Variants in SHISA9 observed in about 807,000 individuals in gnomAD.
SHISA9 encodes the protein protein shisa-9.
SHISA9 carries 13 observed loss-of-function variants against 38.0 expected under a neutral mutation model. The ratio of observed to expected loss-of-function variants is 0.34; its 90% CI spans 0.22 to 0.54. SHISA9 has a LOEUF of 0.54. SHISA9 is among the 20% of genes least tolerant of loss of function. SHISA9 has a pLI of 0.91. For missense variants in SHISA9, 538 were observed against 575.8 expected (o/e 0.93, Z 0.67); for synonymous variants, 275 against 242.0 (o/e 1.14, Z -1.27).
chr16:13,008,019 C>G (rs2072620563), intron 2 of SHISA9, among the ~76,000 whole-genome samples: 1 of 152,186 alleles, frequency 6.6e-6, no homozygotes, highest in Non-Finnish European at 1.5e-5. Context: ...CTCTGTGACT[C>G]TCTTCCTGAC....
intron 2 of SHISA9, among the ~76,000 whole-genome samples, chr16:13,020,735 T>C (rs1008362339): frequency 6.6e-6 from 1 of 152,210 alleles, no homozygotes; most frequent in Non-Finnish European, 1.5e-5. Flanking sequence ...CCCTTCTCTT[T>C]TGCATATTAG....
chr16:12,939,203 C>G (rs1432281234), intron 2 of SHISA9, among the ~76,000 whole-genome samples: 1 of 152,086 alleles, frequency 6.6e-6, no homozygotes, highest in African/African-American at 2.4e-5. Context: ...CCTGCCTTAG[C>G]CTCCTGAGTA....
At chr16:13,455,160 C>CCTTA in the SHISA9 span, among the ~76,000 whole-genome samples, 1 of 152,004 alleles carries the variant, frequency 6.6e-6, no homozygotes, top group Admixed American at 6.6e-5. Context: ...TATATACATA[C>CCTTA]CTTAGTATTT....
chr16:13,000,734 G>A (rs1192495901), intron 2 of SHISA9, among the ~76,000 whole-genome samples: 1 of 152,196 alleles, frequency 6.6e-6, no homozygotes. Flanking sequence ...TGCATGGTAA[G>A]CATTCAAGAA....
At chr16:13,516,775 G>A in the SHISA9 span, among the ~76,000 whole-genome samples, 2 of 140,222 alleles carry the variant, frequency 1.4e-5, no homozygotes, top group African/African-American at 2.7e-5. Context: ...TCTAGCCTGG[G>A]AAACAGAGCA....
chr16:13,551,123 C>CG, the SHISA9 span, among the ~76,000 whole-genome samples: 1 of 130,850 alleles, frequency 7.6e-6, no homozygotes, highest in Non-Finnish European at 1.6e-5. Context: ...GACTCCATCT[C>CG]GAAAAAAAAA....
At chr16:13,442,712 A>T in the SHISA9 span, among the ~76,000 whole-genome samples, 1 of 152,156 alleles carries the variant, frequency 6.6e-6, no homozygotes, top group Non-Finnish European at 1.5e-5. Flanking sequence ...TCAGCATTTC[A>T]AGAGGCTGAG....
chr16:12,937,444 C>T (rs2071549246), intron 2 of SHISA9, among the ~76,000 whole-genome samples: 1 of 152,176 alleles, frequency 6.6e-6, no homozygotes, highest in Admixed American at 6.6e-5. Context: ...ACTTCTGCAC[C>T]TTGCTGATTT....
chr16:13,499,017 G>A, the SHISA9 span, among the ~76,000 whole-genome samples: 3 of 152,286 alleles, frequency 2.0e-5, no homozygotes, highest in East Asian at 5.8e-4. Context: ...TGAGAGGTCT[G>A]CCCCTGAGCA....
At chr16:13,439,350 A>T in the SHISA9 span, among the ~76,000 whole-genome samples, 2 of 152,196 alleles carry the variant, frequency 1.3e-5, no homozygotes, top group African/African-American at 4.8e-5. Context: ...GGAAGAGTAG[A>T]TCTTAAGTAT....
the SHISA9 span, among the ~76,000 whole-genome samples, chr16:13,272,250 G>A: frequency 2.6e-5 from 4 of 152,172 alleles, no homozygotes; most frequent in East Asian, 5.8e-4. Context: ...AAAGTAGGAA[G>A]AAACAATAGT....
chr16:13,071,224 G>T (rs1477842450), intron 2 of SHISA9, among the ~76,000 whole-genome samples: 1 of 152,148 alleles, frequency 6.6e-6, no homozygotes, highest in Non-Finnish European at 1.5e-5. Flanking sequence ...GAGTGACAGG[G>T]TCATACGTAC....
the SHISA9 span, among the ~76,000 whole-genome samples, chr16:13,507,434 C>T: frequency 1.3e-5 from 2 of 152,090 alleles, no homozygotes; most frequent in African/African-American, 2.4e-5. Flanking sequence ...TGGTAGAGTA[C>T]CCTGGAGCAG....
intron 2 of SHISA9, among the ~76,000 whole-genome samples, chr16:13,000,415 C>A (rs556571220): frequency 3.5e-4 from 53 of 152,104 alleles, no homozygotes; most frequent in African/African-American, 1.2e-3. Context: ...ACTGATCCTG[C>A]GCACAGCTCT....
chr16:13,107,523 C>G (rs1328965895), intron 2 of SHISA9, among the ~76,000 whole-genome samples: 9 of 146,046 alleles, frequency 6.2e-5, no homozygotes, highest in African/African-American at 2.0e-4. Flanking sequence ...ACAGAGTTAA[C>G]TTAACTTTAG....
intron 2 of SHISA9, among the ~76,000 whole-genome samples, chr16:13,029,925 A>G (rs2072970934): frequency 6.6e-6 from 1 of 152,154 alleles, no homozygotes; most frequent in Non-Finnish European, 1.5e-5. Context: ...TCCTGACCCT[A>G]GGCAATTTAT....
At position 13,132,692 on chromosome 16, in the gene SHISA9, A is replaced by G. The variant is rs1280171403; in HGVS notation, c.692-70702A>G. ...GTGATTGTTTGGCTACTTCTGACAC[A>G]TGCTTTCCTGATGAAGGGAAAAATT... On this transcript the variant is annotated intron_variant, in intron 2 of 4. Transcript: ENST00000558583. 4.6e-5 allele frequency among the ~76,000 whole-genome samples: 7 copies of G among 152,328 alleles called. No individual in the cohort carries two copies. The East Asian group carries it at 1.2e-3, about 25-fold the overall frequency.
the SHISA9 span, among the ~76,000 whole-genome samples, chr16:13,290,405 C>T: frequency 2.0e-5 from 3 of 151,854 alleles, no homozygotes; most frequent in African/African-American, 7.3e-5. Flanking sequence ...ATGAGCACAC[C>T]GAGAATGAGA....
At chr16:12,968,189 C>CAAAAAAAAAAAAAAAAAAAAAAAAAA (rs200194973) in intron 2 of SHISA9, among the ~76,000 whole-genome samples, 1 of 82,002 alleles carries the variant, frequency 1.2e-5, no homozygotes, top group African/African-American at 4.9e-5. Flanking sequence ...GGCTCCATCT[C>CAAAAAAAAAAAAAAAAAAAAAAAAAA]AAAAAAAAAA....
Sources: allele counts gnomAD v4.1 joint callset (sites outside exome capture counted in the v4.1 genomes callset), GRCh38; gene constraint gnomAD v4.1.1; transcripts MANE v1.5; gene names NCBI Gene and HGNC (gene_info 2026-07-23, HGNC 2026-07-21).